EFHD1: variants seen among roughly 807,000 people sequenced by gnomAD.
EFHD1 encodes the protein EF-hand domain-containing protein D1.
Under a neutral mutation model 17.2 loss-of-function variants are expected in EFHD1, and 10 were observed. The ratio of observed to expected loss-of-function variants is 0.58; its 90% CI spans 0.36 to 0.99. EFHD1 has a LOEUF of 0.99. Among genes scored for constraint, EFHD1 ranks in the 50% least tolerant of loss-of-function variants. EFHD1 has a pLI of 0.01. For missense variants in EFHD1, 310 were observed against 327.5 expected (o/e 0.95, Z 0.41); for synonymous variants, 153 against 142.0 (o/e 1.08, Z -0.55).
chr2:232,630,375 A>G (rs1694181366), upstream of EFHD1, among the ~76,000 whole-genome samples: 1 of 152,094 alleles, frequency 6.6e-6, no homozygotes, highest in Admixed American at 6.6e-5. Flanking sequence ...AGATACTAAC[A>G]CTTCATTCTG....
At chr2:232,649,924 T>C (rs935987400) in intron 1 of EFHD1, 2 of 152,278 alleles carry the variant, frequency 1.3e-5, no homozygotes, top group African/African-American at 2.4e-5. Flanking sequence ...CTGGGCTTTC[T>C]GGGGTCTGTG....
intron 1 of EFHD1, among the ~76,000 whole-genome samples, chr2:232,657,820 A>G (rs1378493760): frequency 6.6e-6 from 1 of 151,066 alleles, no homozygotes; most frequent in Non-Finnish European, 1.5e-5. Context: ...CTCAAAAAAA[A>G]AAAAAGAATA....
intron 1 of EFHD1, among the ~76,000 whole-genome samples, chr2:232,627,335 G>A (rs970925913): frequency 1.3e-5 from 2 of 151,310 alleles, no homozygotes; most frequent in African/African-American, 2.4e-5. Context: ...AATATGCATA[G>A]GTCATGGATC....
At chr2:232,651,107 G>A (rs191349347) in intron 1 of EFHD1, among the ~76,000 whole-genome samples, 6 of 152,238 alleles carry the variant, frequency 3.9e-5, no homozygotes, top group East Asian at 3.9e-4. Flanking sequence ...AGCAGGCCCC[G>A]GTCAGTTGGG....
chr2:232,665,533 T>G (rs1217173592), intron 2 of EFHD1, among the ~76,000 whole-genome samples: 9 of 151,746 alleles, frequency 5.9e-5, no homozygotes, highest in Admixed American at 3.3e-4. Flanking sequence ...GCGATTCCCC[T>G]GCCTCAGCCT....
chr2:232,656,338 G>T (rs191475066), intron 1 of EFHD1, among the ~76,000 whole-genome samples: 1 of 152,084 alleles, frequency 6.6e-6, no homozygotes, highest in African/African-American at 2.4e-5. Context: ...TCCCCTGAAG[G>T]TGTGGTCACA....
intron 1 of EFHD1, among the ~76,000 whole-genome samples, chr2:232,613,232 T>G (rs1290044119): frequency 1.3e-5 from 2 of 151,944 alleles, no homozygotes; most frequent in African/African-American, 4.8e-5. Flanking sequence ...AAGACCAGCC[T>G]GACTAATATG....
upstream of EFHD1, chr2:232,633,573 C>T: frequency 2.3e-6 from 3 of 1,306,604 alleles, no homozygotes; most frequent in Non-Finnish European, 2.9e-6. Context: ...TCCTCAGACC[C>T]TCCCAACCGC....
intron 2 of EFHD1, among the ~76,000 whole-genome samples, chr2:232,667,103 TC>T (rs1326743355): frequency 1.3e-5 from 2 of 152,198 alleles, no homozygotes; most frequent in African/African-American, 4.8e-5. Flanking sequence ...TTCTTGCACT[TC>T]CAGCTTCTGA....
At chr2:232,674,968 A>T (rs1695143132) in intron 3 of EFHD1, among the ~76,000 whole-genome samples, 1 of 151,840 alleles carries the variant, frequency 6.6e-6, no homozygotes, top group Non-Finnish European at 1.5e-5. Flanking sequence ...CAAGATGCAA[A>T]TATGGTGACC....
chr2:232,675,812 C>T (rs778817294), intron 3 of EFHD1, among the ~76,000 whole-genome samples: 4 of 152,080 alleles, frequency 2.6e-5, no homozygotes, highest in African/African-American at 7.2e-5. Context: ...GTGTTCATCA[C>T]TCCATTGGAG....
chr2:232,656,824 T>C (rs1372756486), intron 1 of EFHD1, among the ~76,000 whole-genome samples: 1 of 152,208 alleles, frequency 6.6e-6, no homozygotes, highest in Non-Finnish European at 1.5e-5. Context: ...GGTCGCATGC[T>C]GTCACCTAGG....
At chr2:232,656,924 G>A (rs1383580296) in intron 1 of EFHD1, among the ~76,000 whole-genome samples, 2 of 152,060 alleles carry the variant, frequency 1.3e-5, no homozygotes, top group Non-Finnish European at 2.9e-5. Flanking sequence ...GACCGCAGAT[G>A]TGGGCCACCA....
At chr2:232,672,853 C>T (rs1695104496) in intron 3 of EFHD1, among the ~76,000 whole-genome samples, 1 of 152,132 alleles carries the variant, frequency 6.6e-6, no homozygotes, top group South Asian at 2.1e-4. Context: ...GCCTTGGTGA[C>T]ATATCCTGGC....
intron 1 of EFHD1, among the ~76,000 whole-genome samples, chr2:232,644,707 C>T (rs7601463): frequency 0.025 from 3,730 of 151,268 alleles, 164 homozygotes; most frequent in African/African-American, 0.086. Flanking sequence ...GATGGGGTTT[C>T]ACCATCTTGG....
rs1202855613 is a variant in EFHD1 at position 232,672,291 on chromosome 2, A to G, written c.451-18A>G. 1.9e-6 allele frequency: 3 copies of G among 1,614,110 alleles called. No individual in the cohort carries two copies. The highest frequency in any genetic ancestry group is 2.5e-6 in the Non-Finnish European group (3 of 1,179,994). On this transcript the variant is annotated intron_variant, in intron 2 of 3. Transcript: ENST00000264059. ...TCAGTGAGACTGACTCTGGTTCCCT[A>G]CTTTCTTTCCCCTGTAGTTCCTGCT...
At position 232,633,772 on chromosome 2, in the gene EFHD1, GC is replaced by G; in HGVS notation, c.73del (p.Gln25SerfsTer31). The G allele has an allele frequency of 3.4e-6, 5 of 1,462,838 alleles. No individual in the cohort carries two copies. Among genetic ancestry groups the G allele is most frequent in the South Asian group, 1.3e-5 (1 of 76,004 alleles). The allele number at this position is 1,462,838 out of a possible 1,614,324, so 90.6% of individuals were successfully genotyped here. On this transcript the variant is annotated frameshift_variant, in exon 1 of 4. Coordinates refer to ENST00000264059, the MANE Select transcript of EFHD1 (RefSeq NM_025202.4). LOFTEE classifies it high-confidence loss of function. Reference sequence around the variant, plus strand: ...CGGCGCGAGGAGGCCGAGGAGAGTGGCCCCCAGCTGGCTCCCCTCGGCGCCC... The same window carrying G: ...CGGCGCGAGGAGGCCGAGGAGAGTGGCCCCAGCTGGCTCCCCTCGGCGCCC... ...RLRREEAEES[G>X]PQLAPLGAPA...
chr2:232,679,584 T>G (rs1695237204), intron 3 of EFHD1, among the ~76,000 whole-genome samples: 1 of 151,776 alleles, frequency 6.6e-6, no homozygotes, highest in Non-Finnish European at 1.5e-5. Context: ...ATAGGTGGCA[T>G]GCACCTATAG....
chr2:232,642,373 C>CAAAAAAA (rs764647177), intron 1 of EFHD1, among the ~76,000 whole-genome samples: 20 of 68,924 alleles, frequency 2.9e-4, no homozygotes, highest in Non-Finnish European at 4.2e-4. Context: ...GACTCTGTCT[C>CAAAAAAA]AAAAAAAAAA....
Sources: allele counts gnomAD v4.1 joint callset (sites outside exome capture counted in the v4.1 genomes callset), GRCh38; gene constraint gnomAD v4.1.1; transcripts MANE v1.5; gene names NCBI Gene and HGNC (gene_info 2026-07-23, HGNC 2026-07-21).